Variants in CRPPA observed in about 807,000 individuals in gnomAD.
CRPPA encodes CDP-L-ribitol pyrophosphorylase A, also known as D-ribitol-5-phosphate cytidylyltransferase.
In CRPPA, 43 loss-of-function variants were observed where a neutral mutation model predicts 52.0. The ratio of observed to expected loss-of-function variants is 0.83; its 90% CI spans 0.65 to 1.07. The LOEUF is 1.07. Ranked by LOEUF, CRPPA falls within the 50% of genes least tolerant of loss-of-function variation. The probability of loss-of-function intolerance (pLI) is 0.00; values close to 1 mark genes in which losing one functional copy is unlikely to be tolerated. For missense variants in CRPPA, 629 were observed against 551.7 expected (o/e 1.14, Z -1.40); for synonymous variants, 250 against 203.5 (o/e 1.23, Z -1.94).
At position 16,249,082 on chromosome 7, in the gene CRPPA, C is replaced by T. The variant is rs903016952; in HGVS notation, c.1119+9308G>A. Among the ~76,000 whole-genome samples the T allele has an allele frequency of 5.9e-5, 9 of 152,238 alleles. No individual in the cohort carries two copies. In the South Asian group the frequency reaches 1.2e-3, roughly 21 times the overall value. ...TGAGGCTTAAGTAGGCGGTTTTATG[C>T]TTACAGTGTAAACAAAGGCACTGGG... On this transcript the variant is annotated intron_variant, in intron 8 of 9. Transcript: ENST00000407010.
At chr7:16,184,350 G>A (rs1277429899) in intron 9 of CRPPA, among the ~76,000 whole-genome samples, 2 of 152,000 alleles carry the variant, frequency 1.3e-5, no homozygotes, top group African/African-American at 2.4e-5. Flanking sequence ...ATTCTAATTA[G>A]CAAAGAAAAT....
intron 2 of CRPPA, among the ~76,000 whole-genome samples, chr7:16,389,928 A>AAAATATATATATATAT: frequency 3.4e-5 from 1 of 29,760 alleles, no homozygotes; most frequent in African/African-American, 1.7e-4. Flanking sequence ...AAAAAAAAAA[A>AAAATATATATATATAT]ATATATATAT....
intron 3 of CRPPA, among the ~76,000 whole-genome samples, chr7:16,345,237 G>A (rs62441921): frequency 6.6e-6 from 1 of 151,964 alleles, no homozygotes. Context: ...TGTCAACCAA[G>A]TATTCTATTC....
Position 16,099,295 on chromosome 7 carries a change from GA to G in CRPPA, c.1252-7497del, listed in dbSNP as rs1314354816. On this transcript the variant is annotated intron_variant, in intron 9 of 9. Coordinates refer to ENST00000407010, the MANE Select transcript of CRPPA (RefSeq NM_001101426.4). ...GAGAGGGGCAGAAAAAAAAAGGAAA[GA>G]AAAAAAGGAAAGGGAAGGAAAAAAC... Among the ~76,000 whole-genome samples, 218 of 140,734 alleles carry G rather than the reference GA, an allele frequency of 1.5e-3. 3 individuals carry two copies. In the Middle Eastern group the frequency reaches 0.022, roughly 14 times the overall value. 92.3% of individuals were successfully genotyped at this position (140,734 alleles called of 152,430 possible).
intron 8 of CRPPA, chr7:16,247,871 A>G (rs1157107208): frequency 2.0e-5 from 3 of 152,180 alleles, no homozygotes; most frequent in African/African-American, 4.8e-5. Flanking sequence ...CTAAAGGGTT[A>G]TCTTTTCTCT....
Position 16,421,359 on chromosome 7 carries a change from G to C in CRPPA, c.-37C>G. 8.1e-7 allele frequency: 1 copy of C among 1,228,194 alleles called. No homozygotes were observed. The highest frequency in any genetic ancestry group is 3.3e-5 in the East Asian group (1 of 30,480). 76.1% of individuals were successfully genotyped at this position (1,228,194 alleles called of 1,614,324 possible). A position where few individuals can be genotyped will look rare whatever the true frequency, so the allele number is the denominator to read the frequency against. ...GAACGGCGAGCCCCGCTAGCCTCGG[G>C]CCGATGCGACCCCGCGCTGCTCCCA... On this transcript the variant is annotated 5_prime_UTR_variant, in exon 1 of 10. Transcript: ENST00000407010.
rs1250139938 is a variant in CRPPA at position 16,133,938 on chromosome 7, C to CT, written c.1252-42140dup. ...TTCTTAACATCATCCTTATGATTTT[C>CT]TTTTTTTTTCCGAGATGGAGTCTCG... On this transcript the variant is annotated intron_variant, in intron 9 of 9. Coordinates refer to ENST00000407010, the MANE Select transcript of CRPPA (RefSeq NM_001101426.4). Among the ~76,000 whole-genome samples, 12 of 121,454 alleles carry CT rather than the reference C, an allele frequency of 9.9e-5. 3 individuals are homozygous for CT. Among genetic ancestry groups the CT allele is most frequent in the Non-Finnish European group, 1.7e-4 (9 of 53,266 alleles). The allele number at this position is 121,454 out of a possible 152,430, so 79.7% of individuals were successfully genotyped here.
chr7:16,224,522 C>T (rs1456043857), intron 8 of CRPPA, among the ~76,000 whole-genome samples: 1 of 151,906 alleles, frequency 6.6e-6, no homozygotes, highest in Non-Finnish European at 1.5e-5. Context: ...TTAATGCCCA[C>T]CAAAGTGGAA....
At chr7:16,398,228 GTGACTGAC>G (rs1787669245) in intron 2 of CRPPA, among the ~76,000 whole-genome samples, 1 of 43,400 alleles carries the variant, frequency 2.3e-5, no homozygotes. Context: ...ATGTAATAAC[GTGACTGAC>G]ACGTGACCAA....
At chr7:16,396,984 G>A (rs917573775) in intron 2 of CRPPA, among the ~76,000 whole-genome samples, 4 of 152,232 alleles carry the variant, frequency 2.6e-5, no homozygotes, top group Non-Finnish European at 5.9e-5. Context: ...GGTGACATGT[G>A]TGACATGACT....
intron 9 of CRPPA, among the ~76,000 whole-genome samples, chr7:16,168,623 G>A (rs967326610): frequency 6.7e-6 from 1 of 150,252 alleles, no homozygotes; most frequent in African/African-American, 2.5e-5. Context: ...ATATTCTCAT[G>A]GTAACAATAC....
intron 4 of CRPPA, 24 bp downstream of exon 4, chr7:16,308,499 C>A: frequency 7.6e-7 from 1 of 1,318,974 alleles, no homozygotes; most frequent in East Asian, 2.3e-5. Context: ...GAAAAGAACC[C>A]AAGCAAGGTA....
At chr7:16,377,388 C>A (rs894900537) in intron 2 of CRPPA, among the ~76,000 whole-genome samples, 3 of 152,158 alleles carry the variant, frequency 2.0e-5, no homozygotes, top group South Asian at 4.1e-4. Context: ...TGCATGTACA[C>A]ACAAACATGC....
chr7:16,408,166 G>T (rs1317485868), intron 1 of CRPPA, among the ~76,000 whole-genome samples: 3 of 150,818 alleles, frequency 2.0e-5, no homozygotes, highest in Non-Finnish European at 4.4e-5. Context: ...AGAAATAAGC[G>T]CTCAGAACTT....
Position 16,133,751 on chromosome 7 carries a change from C to T in CRPPA, c.1252-41952G>A, listed in dbSNP as rs1782717409. On this transcript the variant is annotated intron_variant, in intron 9 of 9. Transcript: ENST00000407010. ...AAGTTAAGAAAAGTCATGGCATTAC[C>T]AAACAAAAAAGCTGAAATGCTTGAT... 1.6e-5 allele frequency among the ~76,000 whole-genome samples: 2 copies of T among 124,170 alleles called. 1 individual carries two copies. Among genetic ancestry groups the T allele is most frequent in the South Asian group, 7.9e-4 (2 of 2,542 alleles). 81.5% of individuals were successfully genotyped at this position (124,170 alleles called of 152,430 possible). A position where few individuals can be genotyped will look rare whatever the true frequency, so the allele number is the denominator to read the frequency against.
intron 8 of CRPPA, among the ~76,000 whole-genome samples, chr7:16,228,386 G>A (rs184361886): frequency 6.6e-6 from 1 of 151,724 alleles, no homozygotes; most frequent in African/African-American, 2.4e-5. Context: ...GTTCCTTCAA[G>A]TGAAAAGTAG....
chr7:16,367,993 C>T (rs1220656611), intron 3 of CRPPA, among the ~76,000 whole-genome samples: 2 of 152,066 alleles, frequency 1.3e-5, no homozygotes, highest in Non-Finnish European at 2.9e-5. Context: ...TTCATTCAAA[C>T]CTAATTGACA....
chr7:16,298,662 C>T lies in CRPPA; in HGVS notation c.835+2759G>A, dbSNP rs1784723007. On this transcript the variant is annotated intron_variant, in intron 5 of 9. Transcript: ENST00000407010. Reference sequence around the variant, plus strand: ...CATAAAAATGGTTAATTTTATGTGTCAATTACATCTGGCTAAGGGATCCCC... The same window carrying T: ...CATAAAAATGGTTAATTTTATGTGTTAATTACATCTGGCTAAGGGATCCCC... Among the ~76,000 whole-genome samples the T allele has an allele frequency of 3.3e-5, 5 of 152,124 alleles. No individual in the cohort carries two copies. The South Asian group carries it at 8.3e-4, about 25-fold the overall frequency.
At chr7:16,350,688 G>A (rs1786127760) in intron 3 of CRPPA, among the ~76,000 whole-genome samples, 1 of 152,126 alleles carries the variant, frequency 6.6e-6, no homozygotes, top group Non-Finnish European at 1.5e-5. Context: ...AAGCAAGAGA[G>A]AAAGGAACCA....
Sources: allele counts gnomAD v4.1 joint callset (sites outside exome capture counted in the v4.1 genomes callset), GRCh38; gene constraint gnomAD v4.1.1; transcripts MANE v1.5; gene names NCBI Gene and HGNC (gene_info 2026-07-23, HGNC 2026-07-21).